Variants in CFAP44 observed in about 807,000 individuals in gnomAD.
The protein encoded by CFAP44 is cilia and flagella associated protein 44.
In CFAP44, 134 loss-of-function variants were observed where a neutral mutation model predicts 216.2. That is an observed-to-expected ratio of 0.62 (90% CI 0.54 to 0.72). The LOEUF is 0.72. Among genes scored for constraint, CFAP44 ranks in the 30% least tolerant of loss-of-function variants. The pLI is 0.00. For synonymous variants in CFAP44, 700 were observed against 727.6 expected, an observed-to-expected ratio of 0.96 and a Z score of 0.61; for missense variants, 2,035 against 2,182.1, an observed-to-expected ratio of 0.93 and a Z score of 1.34.
At chr3:113,308,325 A>G in intron 28 of CFAP44, 57 bp from the exon 29 acceptor site, 1 of 1,293,024 alleles carries the variant, frequency 7.7e-7, no homozygotes, top group South Asian at 1.5e-5. Context: ...ACTAAATACT[A>G]GATTTTTAAA....
At chr3:113,417,778 T>C (rs944611417) in intron 5 of CFAP44, among the ~76,000 whole-genome samples, 1 of 152,148 alleles carries the variant, frequency 6.6e-6, no homozygotes, top group Non-Finnish European at 1.5e-5. Flanking sequence ...AGAGATAGGA[T>C]TCAAGCCAAG....
intron 28 of CFAP44, among the ~76,000 whole-genome samples, chr3:113,309,371 T>A (rs1040601010): frequency 2.6e-5 from 4 of 152,226 alleles, no homozygotes; most frequent in Admixed American, 2.6e-4. Context: ...GTTCCTTGGC[T>A]ATAAATCTCC....
chr3:113,437,436 A>G (rs931636891), intron 1 of CFAP44, among the ~76,000 whole-genome samples: 7 of 152,232 alleles, frequency 4.6e-5, no homozygotes, highest in African/African-American at 1.7e-4. Context: ...TTGAACCACA[A>G]CAAAAGGTAA....
chr3:113,329,569 C>G (rs1011535019), intron 26 of CFAP44, among the ~76,000 whole-genome samples: 11 of 152,166 alleles, frequency 7.2e-5, no homozygotes, highest in African/African-American at 2.4e-4. Flanking sequence ...ACATGGCTGA[C>G]AGCAGAGAGT....
chr3:113,420,214 A>G, intron 4 of CFAP44, 35 bp from the exon 5 acceptor site: 1 of 1,590,756 alleles, frequency 6.3e-7, no homozygotes, highest in Non-Finnish European at 8.6e-7. Context: ...GAAGTGAAAA[A>G]CACTACCATC....
chr3:113,353,733 C>T (rs537369994), intron 22 of CFAP44, among the ~76,000 whole-genome samples: 12 of 152,102 alleles, frequency 7.9e-5, no homozygotes, highest in Middle Eastern at 3.4e-3. Flanking sequence ...GACAGCTGCA[C>T]GATAGAGACA....
chr3:113,418,485 C>G (rs185112791), intron 5 of CFAP44, among the ~76,000 whole-genome samples: 155 of 152,300 alleles, frequency 1.0e-3, no homozygotes, highest in African/African-American at 3.6e-3. Flanking sequence ...GGTGCCCAAA[C>G]ACTTTTCTCA....
At chr3:113,377,981 T>C (rs530210039) in intron 17 of CFAP44, among the ~76,000 whole-genome samples, 1 of 152,282 alleles carries the variant, frequency 6.6e-6, no homozygotes, top group East Asian at 1.9e-4. Context: ...GTATGTACTA[T>C]GTAATTTTAC....
intron 7 of CFAP44, among the ~76,000 whole-genome samples, chr3:113,407,774 AAATAGAT>A (rs1326995577): frequency 2.0e-5 from 3 of 152,228 alleles, no homozygotes; most frequent in African/African-American, 7.2e-5. Context: ...AGTAGATATA[AAATAGAT>A]AATGGAGAGT....
At chr3:113,426,867 C>T (rs574734776) in intron 3 of CFAP44, 7 of 288,346 alleles carry the variant, frequency 2.4e-5, no homozygotes, top group East Asian at 2.1e-4. Flanking sequence ...TCGGTCATGG[C>T]GCAACAGTCT....
chr3:113,330,729 T>G (rs1950234641), intron 25 of CFAP44, 61 bp from the exon 26 acceptor site: 1 of 1,456,072 alleles, frequency 6.9e-7, no homozygotes. Flanking sequence ...CTGTATGGAA[T>G]ATGATCTGCT....
chr3:113,422,093 T>C (rs1412325994), intron 4 of CFAP44, among the ~76,000 whole-genome samples: 3 of 152,106 alleles, frequency 2.0e-5, no homozygotes, highest in Non-Finnish European at 4.4e-5. Flanking sequence ...GCCCAAAATA[T>C]AAATATAATA....
intron 10 of CFAP44, 58 bp downstream of exon 10, chr3:113,401,526 T>G: frequency 3.8e-6 from 6 of 1,587,204 alleles, no homozygotes; most frequent in Admixed American, 3.5e-5. Context: ...ATCATACTAC[T>G]ACTTTAATTT....
Position 113,409,130 on chromosome 3 carries a change from G to A in CFAP44, c.866C>T (p.Thr289Ile), listed in dbSNP as rs1207421845. The A allele has an allele frequency of 1.2e-6, 2 of 1,611,988 alleles. No individual in the cohort carries two copies. The highest frequency in any genetic ancestry group is 1.7e-4 in the Middle Eastern group (1 of 6,058). The change falls in exon 7 of 35, where the codon ACT (threonine) becomes ATT (isoleucine). Residue 289 changes from threonine (T) to isoleucine (I), a missense_variant. Transcript: ENST00000393845. ...CTTGATGTGGCCTGATCCCGATGTA[G>A]TAAGCTGCTCTTCCTTATCAGGATT... ...TFNPDKEEQL[T>I]TSGSGHIKFW... is the part of the protein sequence containing the mutation.
intron 22 of CFAP44, among the ~76,000 whole-genome samples, chr3:113,347,888 T>C (rs1217482066): frequency 6.6e-6 from 1 of 152,106 alleles, no homozygotes; most frequent in East Asian, 1.9e-4. Context: ...AACAGGTTTT[T>C]GAGTATGCAT....
chr3:113,307,147 A>G (rs556030010), intron 29 of CFAP44, among the ~76,000 whole-genome samples: 2 of 152,362 alleles, frequency 1.3e-5, no homozygotes, highest in South Asian at 4.1e-4. Context: ...AAAACAGTGA[A>G]TGTAAATTGT....
intron 6 of CFAP44, among the ~76,000 whole-genome samples, chr3:113,413,476 T>G (rs1934550081): frequency 6.6e-6 from 1 of 152,178 alleles, no homozygotes; most frequent in African/African-American, 2.4e-5. Flanking sequence ...TTGCCTAGGT[T>G]TTCTTCTAGG....
In CFAP44 at chr3:113,326,472, T is replaced by C. The variant is rs1242375646; in HGVS notation, c.4489A>G (p.Lys1497Glu). 3 of 1,507,202 alleles carry C rather than the reference T, an allele frequency of 2.0e-6. No individual in the cohort carries two copies. The highest frequency in any genetic ancestry group is 2.6e-6 in the Non-Finnish European group (3 of 1,137,652). The allele number at this position is 1,507,202 out of a possible 1,614,324, so 93.4% of individuals were successfully genotyped here. ...KVLKKKIKRV[K>E]KKEVEGDADE... ...GCATCTCCTTCAACTTCTTTTTTCT[T>C]TACCCGTTTAATCTTCTTCTTTAGG... Residue 1497 changes from lysine (K) to glutamate (E), a missense_variant, in exon 28 of 35, where the codon AAG becomes GAG. Lys to Glu is a moderately conservative substitution (Grantham distance 56). Coordinates refer to ENST00000393845, the MANE Select transcript of CFAP44 (RefSeq NM_001164496.2).
At chr3:113,410,305 C>G (rs1279267526) in intron 6 of CFAP44, among the ~76,000 whole-genome samples, 1 of 152,144 alleles carries the variant, frequency 6.6e-6, no homozygotes, top group Non-Finnish European at 1.5e-5. Flanking sequence ...CCCCCTCTCC[C>G]ACCCCACGAC....
Sources: allele counts gnomAD v4.1 joint callset (sites outside exome capture counted in the v4.1 genomes callset), GRCh38; gene constraint gnomAD v4.1.1; transcripts MANE v1.5; gene names NCBI Gene and HGNC (gene_info 2026-07-23, HGNC 2026-07-21).